The following LRP6 variants were observed in gnomAD, a reference collection of about 807,000 sequenced individuals.
The protein encoded by LRP6 is low-density lipoprotein receptor-related protein 6.
Under a neutral mutation model 184.1 loss-of-function variants are expected in LRP6, and 43 were observed. That is an observed-to-expected ratio of 0.23 (90% CI 0.18 to 0.30). The LOEUF (loss-of-function observed/expected upper bound fraction) is 0.30, where lower values mean the gene tolerates loss of function less well. Ranked by LOEUF, LRP6 falls within the 10% of genes least tolerant of loss-of-function variation. LRP6 has a pLI of 1.00. For missense variants in LRP6, 1,571 were observed against 2,005.3 expected (o/e 0.78, Z 4.14); for synonymous variants, 719 against 684.9 (o/e 1.05, Z -0.78).
intron 2 of LRP6, among the ~76,000 whole-genome samples, chr12:12,203,854 T>C (rs1863979986): frequency 6.6e-6 from 1 of 152,208 alleles, no homozygotes; most frequent in South Asian, 2.1e-4. Context: ...GAAATTCTAA[T>C]ATCTACCATT....
intron 2 of LRP6, among the ~76,000 whole-genome samples, chr12:12,229,370 C>CA (rs375650917): frequency 0.12 from 7,305 of 59,358 alleles, 322 homozygotes; most frequent in Middle Eastern, 0.27. Context: ...AACTCCATTT[C>CA]AAAAAAAAAA....
chr12:12,193,514 C>A lies in LRP6; in HGVS notation c.648-6395G>T, dbSNP rs1309344401. Among the ~76,000 whole-genome samples, 5 of 151,336 alleles carry A rather than the reference C, an allele frequency of 3.3e-5. No individual in the cohort carries two copies. In the East Asian group the frequency reaches 9.7e-4, roughly 29 times the overall value. On this transcript the variant is annotated intron_variant, in intron 3 of 22. Transcript: ENST00000261349. The stretch of plus-strand genomic sequence containing the variant: ...CTAGACTGACCCAAAAAAAAAGACG[C>A]AAATTGTGAAAACTGTGAATAAAGT...
chr12:12,259,587 G>A (rs1176724624), intron 1 of LRP6, among the ~76,000 whole-genome samples: 1 of 152,116 alleles, frequency 6.6e-6, no homozygotes, highest in African/African-American at 2.4e-5. Flanking sequence ...CGAACAGCTT[G>A]AACCTTTAGT....
Position 12,250,112 on chromosome 12 carries a change from T to C in LRP6, c.56-5457A>G, listed in dbSNP as rs116844896. 8.5e-4 allele frequency among the ~76,000 whole-genome samples: 129 copies of C among 152,294 alleles called. 1 individual carries two copies. The East Asian group carries it at 0.02, about 24-fold the overall frequency. On this transcript the variant is annotated intron_variant, in intron 1 of 22. Transcript: ENST00000261349. ...ATCCTAATAGTAAGTTATCTCAATA[T>C]TCTCCCCTTTCCTTTTCTACTTCTA...
chr12:12,186,867 A>G (rs1863488787), intron 4 of LRP6, 56 bp downstream of exon 4: 3 of 1,439,802 alleles, frequency 2.1e-6, no homozygotes, highest in Non-Finnish European at 2.9e-6. Flanking sequence ...AAAGCCAGAC[A>G]TTAGAGTGCT....
chr12:12,208,083 A>G (rs919240267), intron 2 of LRP6, among the ~76,000 whole-genome samples: 2 of 152,264 alleles, frequency 1.3e-5, no homozygotes, highest in African/African-American at 4.8e-5. Flanking sequence ...ATACAATGGA[A>G]TACTATTCAG....
intron 15 of LRP6, among the ~76,000 whole-genome samples, chr12:12,145,022 C>T (rs1949982736): frequency 6.6e-6 from 1 of 151,934 alleles, no homozygotes; most frequent in African/African-American, 2.4e-5. Flanking sequence ...TGTATCAAAC[C>T]TGCACATTGT....
At chr12:12,184,175 A>T (rs546829303) in intron 4 of LRP6, 64 bp from the exon 5 acceptor site, 1 of 1,489,958 alleles carries the variant, frequency 6.7e-7, no homozygotes, top group African/African-American at 1.4e-5. Context: ...GTTAACAACC[A>T]TAACATGAAC....
At chr12:12,169,711 G>C (rs982440954) in intron 7 of LRP6, among the ~76,000 whole-genome samples, 1 of 152,298 alleles carries the variant, frequency 6.6e-6, no homozygotes, top group Admixed American at 6.5e-5. Context: ...TTGAGCACTA[G>C]TCCCTTCCAA....
At chr12:12,253,564 C>T (rs1317632514) in intron 1 of LRP6, among the ~76,000 whole-genome samples, 1 of 126,708 alleles carries the variant, frequency 7.9e-6, no homozygotes, top group Non-Finnish European at 1.6e-5. Flanking sequence ...CCTAATGCTA[C>T]CCCTCCCCCC....
rs1949541929 is a variant in LRP6 at position 12,118,111 on chromosome 12, A to G, written c.*3015T>C. ...AACTACATAATCTTCTGCTAAACAG[A>G]TATCTTGTGATATGCTGTAAGAGTG... On this transcript the variant is annotated 3_prime_UTR_variant, in exon 23 of 23. Transcript: ENST00000261349. 1.3e-5 allele frequency: 2 copies of G among 152,230 alleles called. No individual in the cohort carries two copies. The highest frequency in any genetic ancestry group is 4.8e-5 in the African/African-American group (2 of 41,468). The allele number at this position is 152,230 out of a possible 1,614,324, so 9.4% of individuals were successfully genotyped here.
At chr12:12,216,011 A>G (rs1262312354) in intron 2 of LRP6, among the ~76,000 whole-genome samples, 1 of 152,064 alleles carries the variant, frequency 6.6e-6, no homozygotes, top group East Asian at 1.9e-4. Context: ...AAACTGCCTC[A>G]AAAAATAATA....
At chr12:12,210,076 C>T (rs969196919) in intron 2 of LRP6, among the ~76,000 whole-genome samples, 1 of 152,134 alleles carries the variant, frequency 6.6e-6, no homozygotes, top group African/African-American at 2.4e-5. Context: ...TGTAGCATAT[C>T]GTGAGGTACA....
At chr12:12,160,402 G>C (rs1862710566) in intron 10 of LRP6, among the ~76,000 whole-genome samples, 1 of 152,078 alleles carries the variant, frequency 6.6e-6, no homozygotes, top group African/African-American at 2.4e-5. Context: ...TTTTTGACTT[G>C]TGTAATCAAC....
chr12:12,248,083 T>C (rs1162104318), intron 1 of LRP6, among the ~76,000 whole-genome samples: 1 of 152,106 alleles, frequency 6.6e-6, no homozygotes. Flanking sequence ...CTCTCAAAAT[T>C]TTCTCTCCAC....
At position 12,266,878 on chromosome 12, in the gene LRP6, G is replaced by A. The variant is rs1421946631; in HGVS notation, c.-143C>T. On this transcript the variant is annotated 5_prime_UTR_variant, in exon 1 of 23. It adds an upstream start codon to the 5' untranslated region. Coordinates refer to ENST00000261349, the MANE Select transcript of LRP6 (RefSeq NM_002336.3). ...AGCGAGAGAAGAAAGAAAGGGGCAC[G>A]TCAAGGTTCCGCGCGCGCCGCCGCC... The A allele has an allele frequency of 4.0e-6, 3 of 757,662 alleles. No individual in the cohort carries two copies. Among genetic ancestry groups the A allele is most frequent in the South Asian group, 3.1e-5 (2 of 65,474 alleles). 46.9% of individuals were successfully genotyped at this position (757,662 alleles called of 1,614,324 possible).
intron 1 of LRP6, among the ~76,000 whole-genome samples, chr12:12,256,528 G>A (rs992056702): frequency 2.0e-5 from 3 of 150,028 alleles, no homozygotes; most frequent in South Asian, 2.1e-4. Context: ...ACAAACATAG[G>A]CCAGAGTGGT....
intron 6 of LRP6, among the ~76,000 whole-genome samples, 177 bp from the exon 7 acceptor site, chr12:12,180,158 A>C (rs1863307671): frequency 1.3e-5 from 2 of 150,336 alleles, no homozygotes; most frequent in Admixed American, 6.6e-5. Flanking sequence ...GCAATATATA[A>C]GATTGTGGGA....
intron 9 of LRP6, among the ~76,000 whole-genome samples, chr12:12,164,028 G>C (rs1862806972): frequency 2.6e-5 from 4 of 151,948 alleles, no homozygotes; most frequent in South Asian, 2.1e-4. Context: ...TGCTCGGGAG[G>C]CTGAAGCAGG....
Sources: gnomAD v4.1 joint callset for allele counts (sites outside exome capture counted in the v4.1 genomes callset) on GRCh38, gnomAD v4.1.1 for gene constraint, MANE v1.5 for transcripts, NCBI Gene and HGNC (gene_info 2026-07-23, HGNC 2026-07-21) for gene names.